PCDH15: variants seen among roughly 807,000 people sequenced by gnomAD.
PCDH15 encodes protocadherin related 15, also known as protocadherin-15.
PCDH15 carries 129 observed loss-of-function variants against 178.5 expected under a neutral mutation model. The ratio of observed to expected loss-of-function variants is 0.72; its 90% CI spans 0.63 to 0.84. PCDH15 has a LOEUF of 0.84. Ranked by LOEUF, PCDH15 falls within the 40% of genes least tolerant of loss-of-function variation. PCDH15 has a pLI of 0.00. For missense variants in PCDH15, 2,230 were observed against 2,099.9 expected, an observed-to-expected ratio of 1.06 and a Z score of -1.21; for synonymous variants, 800 against 732.0, an observed-to-expected ratio of 1.09 and a Z score of -1.50.
At chr10:54,119,259 A>G (rs910727624) in intron 15 of PCDH15, among the ~76,000 whole-genome samples, 1 of 152,140 alleles carries the variant, frequency 6.6e-6, no homozygotes, top group Non-Finnish European at 1.5e-5. Context: ...TTCTAAAGCA[A>G]TTCAGGAATT....
chr10:54,252,744 T>C (rs2056589989), intron 8 of PCDH15, among the ~76,000 whole-genome samples: 1 of 152,032 alleles, frequency 6.6e-6, no homozygotes. Flanking sequence ...CAATTAATCC[T>C]ATGTCATTTT....
chr10:54,352,918 C>A (rs1944397430), intron 5 of PCDH15, among the ~76,000 whole-genome samples: 1 of 152,132 alleles, frequency 6.6e-6, no homozygotes, highest in Admixed American at 6.5e-5. Context: ...GTTATAGATT[C>A]ATTCTTGCAA....
chr10:54,194,063 A>G (rs1292912427), intron 11 of PCDH15, among the ~76,000 whole-genome samples: 1 of 60,824 alleles, frequency 1.6e-5, no homozygotes, highest in Non-Finnish European at 2.8e-5. Context: ...GGAAAGATTG[A>G]AAAAAAAAAA....
chr10:53,818,448 A>ATGAT (rs2076142352), intron 33 of PCDH15: 1 of 152,588 alleles, frequency 6.6e-6, no homozygotes, highest in African/African-American at 2.4e-5. Context: ...AATTATGTCT[A>ATGAT]TGATTGAATA....
rs937563819 is a variant in PCDH15, at chr10:54,172,980, G to A, written c.1590+10464C>T. Among the ~76,000 whole-genome samples, 12 of 152,190 alleles carry A rather than the reference G, an allele frequency of 7.9e-5. No individual in the cohort carries two copies. The South Asian group carries it at 1.2e-3, about 16-fold the overall frequency. ...AAGTATATCAAGGAAAGGGGATAAC[G>A]TCTGAAAAATAATATAAAATCTAAA... On this transcript the variant is annotated intron_variant, in intron 13 of 37. Coordinates refer to ENST00000644397, the MANE Select transcript of PCDH15 (RefSeq NM_001384140.1).
At chr10:54,351,723 A>G (rs7077543) in intron 5 of PCDH15, among the ~76,000 whole-genome samples, 31,785 of 152,048 alleles carry the variant, frequency 0.21, 3,410 homozygotes, top group African/African-American at 0.25. Context: ...GGATGGCCAG[A>G]GCTTCTGGCA....
chr10:54,433,315 G>C (rs1957174966), intron 3 of PCDH15, among the ~76,000 whole-genome samples: 1 of 152,128 alleles, frequency 6.6e-6, no homozygotes, highest in Non-Finnish European at 1.5e-5. Context: ...TGGAGGCAAA[G>C]TGTCCATCAA....
At chr10:55,421,007 A>G (rs1240952460) in intron 2 of PCDH15, among the ~76,000 whole-genome samples, 1 of 151,732 alleles carries the variant, frequency 6.6e-6, no homozygotes, top group Non-Finnish European at 1.5e-5. Context: ...TTTATGGTAA[A>G]TAGACAAAGT....
At chr10:54,445,489 C>T (rs2076092626) in intron 3 of PCDH15, among the ~76,000 whole-genome samples, 1 of 151,522 alleles carries the variant, frequency 6.6e-6, no homozygotes, top group South Asian at 2.1e-4. Flanking sequence ...TAAGAGCGTA[C>T]TTTAGGCTAG....
intron 5 of PCDH15, among the ~76,000 whole-genome samples, chr10:54,349,301 T>C (rs1232925602): frequency 2.6e-5 from 4 of 152,132 alleles, no homozygotes; most frequent in East Asian, 1.9e-4. Context: ...GGGGAAGATA[T>C]AGGACATCCA....
chr10:55,500,096 A>T (rs191260850), intron 2 of PCDH15, among the ~76,000 whole-genome samples: 6 of 151,848 alleles, frequency 4.0e-5, no homozygotes, highest in African/African-American at 1.4e-4. Flanking sequence ...GAAATTGTTA[A>T]TGGTGATTAT....
At chr10:54,185,890 T>C (rs1395138223) in intron 11 of PCDH15, among the ~76,000 whole-genome samples, 1 of 152,044 alleles carries the variant, frequency 6.6e-6, no homozygotes, top group African/African-American at 2.4e-5. Flanking sequence ...AAAATATGCA[T>C]AAATTTAGCA....
rs550117366 is a variant in PCDH15 at position 54,237,295 on chromosome 10, G to C, written c.877-364C>G. ...AATGTTTTCTCTTTGCTTTAGACAAGATTTGTAAGAATACTTGTATTCTTT... is the reference window on the plus strand; with the variant it reads ...AATGTTTTCTCTTTGCTTTAGACAACATTTGTAAGAATACTTGTATTCTTT... On this transcript the variant is annotated intron_variant, in intron 8 of 37. Transcript: ENST00000644397. Among the ~76,000 whole-genome samples, 3 of 152,066 alleles carry C rather than the reference G, an allele frequency of 2.0e-5. No homozygotes were observed. In the South Asian group the frequency reaches 6.2e-4, roughly 32 times the overall value.
chr10:53,874,850 C>T (rs189151837), intron 26 of PCDH15, among the ~76,000 whole-genome samples: 237 of 151,072 alleles, frequency 1.6e-3, no homozygotes, highest in Non-Finnish European at 2.6e-3. Flanking sequence ...CTTTAAAATG[C>T]GGAATAAAAA....
chr10:55,602,056 G>C (rs116345005), intron 2 of PCDH15, among the ~76,000 whole-genome samples: 9 of 152,130 alleles, frequency 5.9e-5, no homozygotes, highest in African/African-American at 2.2e-4. Context: ...AAAGCAGGGC[G>C]AGGCGTTGCC....
chr10:54,031,214 C>G lies in PCDH15; in HGVS notation c.2221-8017G>C, dbSNP rs2093283952. On this transcript the variant is annotated intron_variant, in intron 18 of 37. Transcript: ENST00000644397. ...CCTGGTTTTCCTTGAAATGACCATG[C>G]TCTCCCTCACCTTCCCTGATATAGG... Among the ~76,000 whole-genome samples, 2 of 149,864 alleles carry G rather than the reference C, an allele frequency of 1.3e-5. 1 individual carries two copies. The highest frequency in any genetic ancestry group is 4.9e-5 in the African/African-American group (2 of 40,560).
At chr10:54,204,171 A>G (rs989487391) in intron 10 of PCDH15, among the ~76,000 whole-genome samples, 2 of 152,138 alleles carry the variant, frequency 1.3e-5, no homozygotes, top group African/African-American at 4.8e-5. Flanking sequence ...AATGTTAATA[A>G]AAGTCTCAGA....
At chr10:55,242,716 T>C (rs1841582830) in intron 1 of PCDH15, among the ~76,000 whole-genome samples, 1 of 152,066 alleles carries the variant, frequency 6.6e-6, no homozygotes, top group South Asian at 2.1e-4. Context: ...CTGGGCATTG[T>C]GATGCATGCC....
chr10:55,032,155 G>T (rs1031117020), intron 2 of PCDH15, among the ~76,000 whole-genome samples: 1 of 152,110 alleles, frequency 6.6e-6, no homozygotes, highest in Non-Finnish European at 1.5e-5. Flanking sequence ...CTAGAATACT[G>T]GTTGAAATAT....
Sources: gnomAD v4.1 joint callset for allele counts (sites outside exome capture counted in the v4.1 genomes callset) on GRCh38, gnomAD v4.1.1 for gene constraint, MANE v1.5 for transcripts, NCBI Gene and HGNC (gene_info 2026-07-23, HGNC 2026-07-21) for gene names.